Variants in PHF20 observed in about 807,000 individuals in gnomAD.
PHF20 encodes the protein PHD finger protein 20.
PHF20 carries 23 observed loss-of-function variants against 113.5 expected under a neutral mutation model. The observed-to-expected ratio is 0.20, with a 90% CI of 0.15 to 0.29. PHF20 has a LOEUF of 0.29. Ranked by LOEUF, PHF20 falls within the 10% of genes least tolerant of loss-of-function variation. PHF20 has a pLI of 1.00. For synonymous variants in PHF20, 434 were observed against 457.3 expected, an observed-to-expected ratio of 0.95 and a Z score of 0.65; for missense variants, 943 against 1,219.6, an observed-to-expected ratio of 0.77 and a Z score of 3.38.
chr20:35,777,902 A>G (rs949056525), intron 1 of PHF20, among the ~76,000 whole-genome samples: 22 of 152,214 alleles, frequency 1.4e-4, no homozygotes, highest in Admixed American at 6.5e-5. Flanking sequence ...AACTTAACAA[A>G]TGAATAAAAC....
At chr20:35,802,983 G>A (rs929063482) in intron 2 of PHF20, among the ~76,000 whole-genome samples, 1 of 150,502 alleles carries the variant, frequency 6.6e-6, no homozygotes, top group Non-Finnish European at 1.5e-5. Flanking sequence ...GCCAGTTGTG[G>A]TGGCTCACGC....
chr20:35,827,074 AT>A (rs1319176022), intron 2 of PHF20, among the ~76,000 whole-genome samples: 3 of 152,018 alleles, frequency 2.0e-5, no homozygotes, highest in Non-Finnish European at 2.9e-5. Context: ...GCATAGAAGT[AT>A]TTTGCTTCTG....
intron 17 of PHF20, among the ~76,000 whole-genome samples, chr20:35,946,752 C>T (rs1279795567): frequency 6.7e-6 from 1 of 150,008 alleles, no homozygotes; most frequent in Non-Finnish European, 1.5e-5. Flanking sequence ...GCTTTGTCGC[C>T]AGGCTGGAGT....
intron 9 of PHF20, among the ~76,000 whole-genome samples, chr20:35,887,977 C>G (rs2054769278): frequency 7.3e-6 from 1 of 137,270 alleles, no homozygotes; most frequent in South Asian, 2.3e-4. Context: ...TTAGGGTTAC[C>G]TTTTTTTTTT....
Position 35,931,416 on chromosome 20 carries a change from G to A in PHF20, c.2272G>A (p.Gly758Ser), listed in dbSNP as rs1378941092. The change falls in exon 15 of 18, where the codon GGC (glycine) becomes AGC (serine). Residue 758 changes from glycine to serine, a missense_variant. Gly to Ser is a moderately conservative substitution (Grantham distance 56). Transcript: ENST00000374012. Reference protein sequence around the residue: ...DVQRVIEVLHGLQLKMSILQS... With the variant: ...DVQRVIEVLHSLQLKMSILQS... ...GCAGAGAGTGATTGAGGTTCTGCAT[G>A]GCCTGCAGCTCAAGATGAGCATCTT... is the stretch of plus-strand genomic sequence containing the variant. 5.6e-6 allele frequency: 9 copies of A among 1,613,290 alleles called. No individual in the cohort carries two copies. The highest frequency in any genetic ancestry group is 7.6e-6 in the Non-Finnish European group (9 of 1,179,558).
intron 2 of PHF20, among the ~76,000 whole-genome samples, chr20:35,834,083 T>TAAATAAATAAATAAAA (rs1555791543): frequency 2.7e-5 from 4 of 150,826 alleles, no homozygotes; most frequent in South Asian, 2.1e-4. Flanking sequence ...AATAAATAAA[T>TAAATAAATAAATAAAA]AAAAAGGCGG....
intron 3 of PHF20, among the ~76,000 whole-genome samples, chr20:35,844,415 TGG>T (rs1482726499): frequency 1.0e-3 from 138 of 133,272 alleles, no homozygotes; most frequent in Middle Eastern, 3.8e-3. Flanking sequence ...TTTTTTTTTT[TGG>T]TTTTTTTTTT....
intron 2 of PHF20, among the ~76,000 whole-genome samples, chr20:35,834,175 G>C (rs1032512674): frequency 6.6e-6 from 1 of 151,970 alleles, no homozygotes; most frequent in Non-Finnish European, 1.5e-5. Flanking sequence ...GGACATGGAG[G>C]AGAGATAATG....
intron 2 of PHF20, among the ~76,000 whole-genome samples, chr20:35,812,009 G>C (rs1030289613): frequency 1.3e-5 from 2 of 151,244 alleles, no homozygotes; most frequent in African/African-American, 2.4e-5. Context: ...TCCTGACCTC[G>C]TGATCCACCC....
chr20:35,928,728 G>C (rs527342602), intron 14 of PHF20: 1 of 152,284 alleles, frequency 6.6e-6, no homozygotes, highest in Non-Finnish European at 1.5e-5. Flanking sequence ...TCTGTCTTTG[G>C]CTTTTGGGGG....
chr20:35,866,159 G>T (rs927508060), intron 6 of PHF20, among the ~76,000 whole-genome samples: 1 of 152,116 alleles, frequency 6.6e-6, no homozygotes, highest in Non-Finnish European at 1.5e-5. Context: ...ACAGTGAGCC[G>T]ATATCGCACC....
intron 4 of PHF20, among the ~76,000 whole-genome samples, chr20:35,850,497 T>A (rs555874033): frequency 5.1e-4 from 75 of 148,088 alleles, no homozygotes; most frequent in Admixed American, 3.3e-3. Context: ...ATATATATAT[T>A]TTTAAGGTTT....
intron 2 of PHF20, among the ~76,000 whole-genome samples, chr20:35,817,030 T>C (rs981260380): frequency 2.6e-5 from 4 of 151,542 alleles, no homozygotes; most frequent in Non-Finnish European, 5.9e-5. Context: ...GATCTCATGA[T>C]CCACCCTCCT....
At chr20:35,855,777 G>A (rs1017549230) in intron 4 of PHF20, among the ~76,000 whole-genome samples, 2 of 151,950 alleles carry the variant, frequency 1.3e-5, no homozygotes, top group Non-Finnish European at 2.9e-5. Context: ...GGGTTCAGGC[G>A]ATTCTCTTGC....
chr20:35,879,138 CT>C (rs34032634), intron 9 of PHF20, among the ~76,000 whole-genome samples: 5 of 151,574 alleles, frequency 3.3e-5, no homozygotes, highest in African/African-American at 4.8e-5. Context: ...GTTAATTTAA[CT>C]TTTTTTTTGC....
At chr20:35,918,913 T>C (rs572991356) in intron 13 of PHF20, among the ~76,000 whole-genome samples, 1 of 152,338 alleles carries the variant, frequency 6.6e-6, no homozygotes, top group East Asian at 1.9e-4. Flanking sequence ...GTATAGCCTA[T>C]TGAGATTATG....
intron 9 of PHF20, among the ~76,000 whole-genome samples, chr20:35,881,352 C>A (rs1328046805): frequency 6.6e-6 from 1 of 151,672 alleles, no homozygotes; most frequent in African/African-American, 2.4e-5. Context: ...GCCACCGCAC[C>A]CGGCCTCCCT....
At chr20:35,884,377 A>G (rs1568704390) in intron 9 of PHF20, among the ~76,000 whole-genome samples, 1 of 152,166 alleles carries the variant, frequency 6.6e-6, no homozygotes, top group Non-Finnish European at 1.5e-5. Context: ...TGGGAGGGCA[A>G]CACATCTAGT....
intron 15 of PHF20, among the ~76,000 whole-genome samples, chr20:35,933,384 C>T (rs2055800819): frequency 6.6e-6 from 1 of 151,730 alleles, no homozygotes; most frequent in South Asian, 2.1e-4. Context: ...AGGCACATGC[C>T]ACCACACCTG....
Sources: gnomAD v4.1 joint callset for allele counts (sites outside exome capture counted in the v4.1 genomes callset) on GRCh38, gnomAD v4.1.1 for gene constraint, MANE v1.5 for transcripts, NCBI Gene and HGNC (gene_info 2026-07-23, HGNC 2026-07-21) for gene names.